Variants in DCP1A observed in about 807,000 individuals in gnomAD.
DCP1A encodes the protein decapping mRNA 1A, also known as mRNA-decapping enzyme 1A.
DCP1A carries 20 observed loss-of-function variants against 58.0 expected under a neutral mutation model. The ratio of observed to expected loss-of-function variants is 0.34; its 90% CI spans 0.24 to 0.50. The LOEUF is 0.50. Among genes scored for constraint, DCP1A ranks in the 20% least tolerant of loss-of-function variants. The pLI, the probability that DCP1A is intolerant of heterozygous loss-of-function variation, is 0.98. For missense variants in DCP1A, 613 were observed against 712.2 expected, an observed-to-expected ratio of 0.86 and a Z score of 1.59; for synonymous variants, 285 against 275.1, an observed-to-expected ratio of 1.04 and a Z score of -0.36.
chr3:53,317,406 C>G (rs952358564), intron 4 of DCP1A, among the ~76,000 whole-genome samples: 4 of 152,200 alleles, frequency 2.6e-5, no homozygotes, highest in African/African-American at 9.6e-5. Flanking sequence ...CTCAGGTGAT[C>G]TGCCCGCCTT....
chr3:53,295,896 C>CTTT lies in DCP1A; in HGVS notation c.625-3072_625-3070dup, dbSNP rs112256781. Among the ~76,000 whole-genome samples, 11 of 144,314 alleles carry CTTT rather than the reference C, an allele frequency of 7.6e-5. 1 individual carries two copies. Among genetic ancestry groups the CTTT allele is most frequent in the African/African-American group, 2.5e-4 (10 of 39,544 alleles). 94.7% of individuals were successfully genotyped at this position (144,314 alleles called of 152,430 possible). On this transcript the variant is annotated intron_variant, in intron 6 of 9. Coordinates refer to ENST00000610213, the MANE Select transcript of DCP1A (RefSeq NM_018403.7). ...TATAATCACATAAACACCATGTGGTCTTTTTTTTTTTTTTGAGACACAGTC... is the reference window on the plus strand; with the variant it reads ...TATAATCACATAAACACCATGTGGTCTTTTTTTTTTTTTTTTTGAGACACAGTC...
In DCP1A at chr3:53,317,806, C is replaced by G. The variant is rs148952965; in HGVS notation, c.371+1601G>C. Among the ~76,000 whole-genome samples the G allele has an allele frequency of 5.5e-4, 83 of 152,238 alleles. 1 individual carries two copies. Among genetic ancestry groups the G allele is most frequent in the African/African-American group, 1.9e-3 (79 of 41,536 alleles). Reference sequence around the variant, plus strand: ...ACATTTTTTCAAGTATAAGTGACTACAAGTTCATACAGAACGATGCCCTTG... The same window carrying G: ...ACATTTTTTCAAGTATAAGTGACTAGAAGTTCATACAGAACGATGCCCTTG... On this transcript the variant is annotated intron_variant, in intron 4 of 9. Transcript: ENST00000610213.
chr3:53,323,707 CA>C (rs1423750527), intron 3 of DCP1A, among the ~76,000 whole-genome samples: 5 of 151,840 alleles, frequency 3.3e-5, no homozygotes, highest in African/African-American at 9.7e-5. Context: ...ACTAAAAATA[CA>C]AAAATTAGCT....
Position 53,332,602 on chromosome 3 carries a change from T to C in DCP1A, c.304+9542A>G, listed in dbSNP as rs181705004. Among the ~76,000 whole-genome samples the C allele has an allele frequency of 1.2e-3, 181 of 152,220 alleles. 1 individual carries two copies. The highest frequency in any genetic ancestry group is 4.1e-3 in the African/African-American group (171 of 41,558). ...TTTCTAGGCCGGGCGCGGTGGCTCA[T>C]GCCTGTAATCCCAGCACTTTGGGAG... On this transcript the variant is annotated intron_variant, in intron 3 of 9. Transcript: ENST00000610213.
chr3:53,294,899 G>GC (rs1386425222), intron 6 of DCP1A, among the ~76,000 whole-genome samples: 1 of 152,232 alleles, frequency 6.6e-6, no homozygotes, highest in African/African-American at 2.4e-5. Flanking sequence ...CCCAATCCTT[G>GC]CCTTTCTTGC....
chr3:53,317,859 C>T (rs1050355640), intron 4 of DCP1A, among the ~76,000 whole-genome samples: 3 of 152,126 alleles, frequency 2.0e-5, no homozygotes, highest in Admixed American at 2.0e-4. Context: ...AAACATGGCC[C>T]TGCCCTGCAA....
intron 6 of DCP1A, among the ~76,000 whole-genome samples, chr3:53,299,754 T>C (rs1422062510): frequency 6.6e-6 from 1 of 152,254 alleles, no homozygotes; most frequent in Non-Finnish European, 1.5e-5. Flanking sequence ...AAATGTAGTA[T>C]CTGCCTGTGG....
chr3:53,308,363 T>C (rs1707537944), intron 5 of DCP1A, among the ~76,000 whole-genome samples: 1 of 152,114 alleles, frequency 6.6e-6, no homozygotes. Flanking sequence ...GGCAGAATAA[T>C]AGCTCACTGT....
chr3:53,337,770 T>C (rs988376228), intron 3 of DCP1A, among the ~76,000 whole-genome samples: 2 of 152,236 alleles, frequency 1.3e-5, no homozygotes, highest in Admixed American at 6.5e-5. Flanking sequence ...ACAAAGAGCA[T>C]GTTAGCACAT....
At chr3:53,298,875 C>A (rs1243451011) in intron 6 of DCP1A, among the ~76,000 whole-genome samples, 3 of 152,244 alleles carry the variant, frequency 2.0e-5, no homozygotes, top group Admixed American at 6.5e-5. Context: ...TTTACTAAAC[C>A]TTTTCTATGG....
chr3:53,340,466 T>C (rs1434761732), intron 3 of DCP1A, among the ~76,000 whole-genome samples: 1 of 151,880 alleles, frequency 6.6e-6, no homozygotes, highest in Non-Finnish European at 1.5e-5. Context: ...AACTTGGGGG[T>C]TTCTAGCTTT....
intron 3 of DCP1A, among the ~76,000 whole-genome samples, chr3:53,324,930 AC>A (rs1553690426): frequency 6.6e-6 from 1 of 152,114 alleles, no homozygotes; most frequent in African/African-American, 2.4e-5. Flanking sequence ...ATTGCCTTCC[AC>A]AAAAAATATC....
chr3:53,327,188 C>T (rs1327566830), intron 3 of DCP1A, among the ~76,000 whole-genome samples: 2 of 152,164 alleles, frequency 1.3e-5, no homozygotes, highest in African/African-American at 2.4e-5. Flanking sequence ...CTTCTTTTCT[C>T]TACTTTCCCT....
intron 3 of DCP1A, chr3:53,333,171 TCG>T (rs2089046856): frequency 6.7e-6 from 1 of 149,320 alleles, no homozygotes; most frequent in Non-Finnish European, 1.5e-5. Context: ...AGATGGAGTC[TCG>T]CTCTGTTGCC....
chr3:53,303,143 G>T (rs1176466006), intron 6 of DCP1A, among the ~76,000 whole-genome samples: 1 of 151,810 alleles, frequency 6.6e-6, no homozygotes, highest in Non-Finnish European at 1.5e-5. Context: ...TAGAGAAGGG[G>T]TCTCACTATG....
chr3:53,308,520 A>T (rs1471160983), intron 5 of DCP1A, among the ~76,000 whole-genome samples: 1 of 152,168 alleles, frequency 6.6e-6, no homozygotes, highest in Non-Finnish European at 1.5e-5. Context: ...TCCTCAATCA[A>T]TTCTCCTGCT....
intron 3 of DCP1A, among the ~76,000 whole-genome samples, chr3:53,340,963 C>T (rs185430676): frequency 2.6e-5 from 4 of 152,282 alleles, no homozygotes; most frequent in Admixed American, 2.0e-4. Context: ...GACTTAACTG[C>T]CTGCTTACAC....
At chr3:53,307,844 G>A (rs1046369310) in intron 5 of DCP1A, among the ~76,000 whole-genome samples, 3 of 152,126 alleles carry the variant, frequency 2.0e-5, no homozygotes, top group East Asian at 3.8e-4. Flanking sequence ...AGGATATATC[G>A]CCAAGTTCTT....
chr3:53,293,220 G>A (rs559819292), intron 6 of DCP1A, among the ~76,000 whole-genome samples: 6 of 152,160 alleles, frequency 3.9e-5, no homozygotes, highest in Admixed American at 2.0e-4. Flanking sequence ...TCAATGAAAC[G>A]CTAGGCACTG....
Sources: allele counts gnomAD v4.1 joint callset (sites outside exome capture counted in the v4.1 genomes callset), GRCh38; gene constraint gnomAD v4.1.1; transcripts MANE v1.5; gene names NCBI Gene and HGNC (gene_info 2026-07-23, HGNC 2026-07-21).